The following PPP4R2 variants were observed in gnomAD, a reference collection of about 807,000 sequenced individuals.
PPP4R2 encodes the protein protein phosphatase 4 regulatory subunit 2.
PPP4R2 carries 13 observed loss-of-function variants against 47.2 expected under a neutral mutation model. The observed-to-expected ratio is 0.28, with a 90% CI of 0.18 to 0.44. The LOEUF is 0.44. PPP4R2 is among the 20% of genes least tolerant of loss of function. The pLI is 1.00. For missense variants in PPP4R2, 421 were observed against 491.2 expected, an observed-to-expected ratio of 0.86 and a Z score of 1.35; for synonymous variants, 151 against 163.3, an observed-to-expected ratio of 0.92 and a Z score of 0.57.
At chr3:73,047,726 G>A (rs545438052) in intron 3 of PPP4R2, among the ~76,000 whole-genome samples, 1 of 152,256 alleles carries the variant, frequency 6.6e-6, no homozygotes, top group Non-Finnish European at 1.5e-5. Context: ...ATTTTAGTGA[G>A]TTTTTGTTTA....
At chr3:73,032,923 T>A (rs538425709) in intron 2 of PPP4R2, among the ~76,000 whole-genome samples, 231 of 152,280 alleles carry the variant, frequency 1.5e-3, no homozygotes, top group Non-Finnish European at 2.2e-3. Flanking sequence ...TTAAAAAAAA[T>A]CTCTTGTTGA....
At chr3:73,001,208 G>A (rs1330109860) in intron 2 of PPP4R2, among the ~76,000 whole-genome samples, 3 of 151,988 alleles carry the variant, frequency 2.0e-5, no homozygotes, top group African/African-American at 7.2e-5. Context: ...TTGCAATTCA[G>A]AATGAGGAAT....
intron 3 of PPP4R2, among the ~76,000 whole-genome samples, chr3:73,049,819 T>A (rs951735691): frequency 1.3e-4 from 19 of 151,446 alleles, no homozygotes; most frequent in African/African-American, 4.6e-4. Context: ...TATTTGTAAT[T>A]TCTTAATCTG....
rs1277203693 is a variant in PPP4R2, at chr3:73,066,781, C to G, written c.*1059C>G. 6.6e-6 allele frequency: 1 copy of G among 152,038 alleles called. No individual in the cohort carries two copies. The highest frequency in any genetic ancestry group is 1.5e-5 in the Non-Finnish European group (1 of 67,934). 9.4% of individuals were successfully genotyped at this position (152,038 alleles called of 1,614,324 possible). ...TATATTACTTTAGTATGTACCTGAG[C>G]TAAATGACTGAAGCTTTAGGGGTGC... On this transcript the variant is annotated 3_prime_UTR_variant, in exon 9 of 9. Transcript: ENST00000356692.
chr3:73,058,795 TC>T (rs549034573), intron 3 of PPP4R2, among the ~76,000 whole-genome samples: 18 of 76,574 alleles, frequency 2.4e-4, no homozygotes, highest in South Asian at 5.5e-4. Context: ...CCCCCCTCCC[TC>T]CCCCCCCACC....
chr3:73,005,366 C>T (rs1436704198), intron 2 of PPP4R2, among the ~76,000 whole-genome samples: 1 of 147,920 alleles, frequency 6.8e-6, no homozygotes, highest in Non-Finnish European at 1.5e-5. Flanking sequence ...CACTTATCTA[C>T]ACACTGGTGG....
chr3:73,005,867 T>C (rs1007995762), intron 2 of PPP4R2, among the ~76,000 whole-genome samples: 1 of 151,058 alleles, frequency 6.6e-6, no homozygotes, highest in Non-Finnish European at 1.5e-5. Flanking sequence ...TGAGGTATAA[T>C]TGACATACAA....
At chr3:73,057,522 T>A (rs192875056) in intron 3 of PPP4R2, among the ~76,000 whole-genome samples, 1 of 152,252 alleles carries the variant, frequency 6.6e-6, no homozygotes, top group East Asian at 1.9e-4. Context: ...TGTCTTTTGG[T>A]AGAACAGTTT....
At position 73,000,442 on chromosome 3, in the gene PPP4R2, C is replaced by A. The variant is rs368288057; in HGVS notation, c.116+2284C>A. On this transcript the variant is annotated intron_variant, in intron 2 of 8. Transcript: ENST00000356692. ...TGTTTATGGATCAAAATCAGTGACC[C>A]CCCAGGCTGCTTAGTTTTCTTTTCA... 2.6e-4 allele frequency among the ~76,000 whole-genome samples: 39 copies of A among 152,232 alleles called. 1 individual carries two copies. The highest frequency in any genetic ancestry group is 8.7e-4 in the African/African-American group (36 of 41,558).
chr3:73,033,643 T>G (rs1460597435), intron 2 of PPP4R2, among the ~76,000 whole-genome samples: 1 of 152,198 alleles, frequency 6.6e-6, no homozygotes, highest in Non-Finnish European at 1.5e-5. Flanking sequence ...TCCAGAACCT[T>G]TTTATTGTCC....
At chr3:73,064,225 A>G (rs936998481) in intron 7 of PPP4R2, 79 bp downstream of exon 7, 4 of 1,247,106 alleles carry the variant, frequency 3.2e-6, no homozygotes, top group East Asian at 2.5e-5. Flanking sequence ...ATCACTTACT[A>G]TTTATAAGTT....
chr3:73,017,934 G>A (rs928063799), intron 2 of PPP4R2, among the ~76,000 whole-genome samples: 3 of 152,062 alleles, frequency 2.0e-5, no homozygotes, highest in Non-Finnish European at 4.4e-5. Context: ...CACCATGTTG[G>A]CCAGGCTCAT....
At chr3:73,060,434 A>G (rs1702829778) in intron 4 of PPP4R2, among the ~76,000 whole-genome samples, 1 of 152,206 alleles carries the variant, frequency 6.6e-6, no homozygotes, top group Non-Finnish European at 1.5e-5. Flanking sequence ...ACCTTGGGCC[A>G]GTTAGTTTTC....
intron 2 of PPP4R2, among the ~76,000 whole-genome samples, chr3:73,025,855 A>G (rs1702053250): frequency 6.6e-6 from 1 of 152,228 alleles, no homozygotes; most frequent in Admixed American, 6.5e-5. Context: ...GAAATCACTC[A>G]GGAGATGATT....
chr3:73,042,768 C>T (rs1234112654), intron 2 of PPP4R2, among the ~76,000 whole-genome samples: 2 of 152,032 alleles, frequency 1.3e-5, no homozygotes, highest in Admixed American at 1.3e-4. Context: ...ATGCCCTCCC[C>T]ATATATATAT....
At chr3:72,998,857 A>G (rs1701405307) in intron 2 of PPP4R2, among the ~76,000 whole-genome samples, 2 of 152,170 alleles carry the variant, frequency 1.3e-5, no homozygotes, top group East Asian at 1.9e-4. Flanking sequence ...TTTGTAGACA[A>G]CAGTGCATCT....
At chr3:73,027,291 C>A (rs144453697) in intron 2 of PPP4R2, among the ~76,000 whole-genome samples, 117 of 152,298 alleles carry the variant, frequency 7.7e-4, no homozygotes, top group African/African-American at 2.7e-3. Context: ...CATTGCCTGG[C>A]TAATTTTTTG....
intron 2 of PPP4R2, among the ~76,000 whole-genome samples, chr3:73,043,755 A>C (rs1020771693): frequency 6.6e-6 from 1 of 152,224 alleles, no homozygotes; most frequent in Non-Finnish European, 1.5e-5. Flanking sequence ...ACCTATTGAA[A>C]TATACCTAAT....
chr3:73,039,119 TA>T (rs1486408449), intron 2 of PPP4R2, among the ~76,000 whole-genome samples: 1 of 152,216 alleles, frequency 6.6e-6, no homozygotes, highest in African/African-American at 2.4e-5. Flanking sequence ...TTCATTTATA[TA>T]AAAAACAATA....
Sources: gnomAD v4.1 joint callset for allele counts (sites outside exome capture counted in the v4.1 genomes callset) on GRCh38, gnomAD v4.1.1 for gene constraint, MANE v1.5 for transcripts, NCBI Gene and HGNC (gene_info 2026-07-23, HGNC 2026-07-21) for gene names.